The following COL22A1 variants were observed in gnomAD, a reference collection of about 807,000 sequenced individuals.
The protein encoded by COL22A1 is collagen alpha-1(XXII) chain.
In COL22A1, 221 loss-of-function variants were observed where a neutral mutation model predicts 248.9. That is an observed-to-expected ratio of 0.89 (90% CI 0.80 to 0.99). The LOEUF is 0.99. Ranked by LOEUF, COL22A1 falls within the 50% of genes least tolerant of loss-of-function variation. The pLI, the probability that COL22A1 is intolerant of heterozygous loss-of-function variation, is 0.00. For synonymous variants in COL22A1, 891 were observed against 793.4 expected (o/e 1.12, Z -2.07); for missense variants, 2,240 against 2,179.0 (o/e 1.03, Z -0.56).
chr8:138,660,681 C>T (rs952289724), intron 43 of COL22A1, among the ~76,000 whole-genome samples: 1 of 152,100 alleles, frequency 6.6e-6, no homozygotes, highest in African/African-American at 2.4e-5. Context: ...AGGAAGAATT[C>T]GACAATGACA....
intron 46 of COL22A1, among the ~76,000 whole-genome samples, chr8:138,648,439 G>A (rs1822396278): frequency 6.6e-6 from 1 of 152,324 alleles, no homozygotes; most frequent in South Asian, 2.1e-4. Flanking sequence ...CCACAAATAA[G>A]AGGCTTAACT....
intron 9 of COL22A1, among the ~76,000 whole-genome samples, chr8:138,810,615 C>T (rs1275800791): frequency 6.6e-6 from 1 of 152,190 alleles, no homozygotes; most frequent in African/African-American, 2.4e-5. Context: ...CAGCTTGGGC[C>T]TCCAGCAAGG....
At chr8:138,855,565 C>G (rs1424154673) in intron 3 of COL22A1, among the ~76,000 whole-genome samples, 1 of 152,190 alleles carries the variant, frequency 6.6e-6, no homozygotes, top group Non-Finnish European at 1.5e-5. Flanking sequence ...AGCCGGGAAA[C>G]TCCCTGTCCA....
chr8:138,744,553 C>A (rs1007050168), intron 22 of COL22A1, among the ~76,000 whole-genome samples: 1 of 152,114 alleles, frequency 6.6e-6, no homozygotes, highest in Non-Finnish European at 1.5e-5. Flanking sequence ...CAGAGCCAGG[C>A]AGATCTCATG....
intron 10 of COL22A1, 86 bp from the exon 11 acceptor site, chr8:138,803,020 C>A (rs1043581624): frequency 4.9e-6 from 5 of 1,010,120 alleles, no homozygotes; most frequent in Non-Finnish European, 6.3e-6. Flanking sequence ...GCCAACCTTG[C>A]TCCAATTCCC....
chr8:138,827,087 G>A (rs549174372), intron 5 of COL22A1: 32 of 348,916 alleles, frequency 9.2e-5, no homozygotes, highest in African/African-American at 6.2e-4. Flanking sequence ...AACGCTAAAT[G>A]GTCACGCCCC....
In COL22A1 at chr8:138,821,220, T is replaced by C; in HGVS notation, c.1161A>G (p.Thr387=). 1.2e-6 allele frequency: 2 copies of C among 1,614,228 alleles called. No homozygotes were observed. The highest frequency in any genetic ancestry group is 1.1e-5 in the South Asian group (1 of 91,084). The change falls in exon 7 of 65, where the codon ACA becomes ACG. Residue 387 remains threonine, a synonymous_variant. Coordinates refer to ENST00000303045, the MANE Select transcript of COL22A1 (RefSeq NM_152888.3). ...SLHIDCALVQ[T]LPIEERENID... ...TGTTCTCCCGTTCCTCGATGGGTAG[T>C]GTCTGCACCAGCGCACAGTCAATGT... is the stretch of plus-strand genomic sequence containing the variant.
chr8:138,727,241 C>T (rs988967979), intron 23 of COL22A1, among the ~76,000 whole-genome samples: 4 of 152,144 alleles, frequency 2.6e-5, no homozygotes, highest in African/African-American at 7.2e-5. Context: ...GCTCAGGTTT[C>T]TCTCTGGATA....
rs534944570 is a variant in COL22A1, at chr8:138,680,991, CG to C, written c.3013-1316del. Reference sequence around the variant, plus strand: ...TCAGGGATGTCTGCACTCTTCCCCCCGGGGGGGGTCTCAGCCTGCCTCTGCT... The same window carrying C: ...TCAGGGATGTCTGCACTCTTCCCCCCGGGGGGGTCTCAGCCTGCCTCTGCT... On this transcript the variant is annotated intron_variant, in intron 39 of 64. Transcript: ENST00000303045. 5.8e-3 allele frequency among the ~76,000 whole-genome samples: 879 copies of C among 152,004 alleles called. 21 individuals are homozygous for C. Among genetic ancestry groups the C allele is most frequent in the Admixed American group, 0.032 (485 of 15,268 alleles).
intron 26 of COL22A1, among the ~76,000 whole-genome samples, chr8:138,721,432 C>A (rs1829864650): frequency 6.6e-6 from 1 of 152,092 alleles, no homozygotes; most frequent in Non-Finnish European, 1.5e-5. Context: ...GTATTTGCTC[C>A]CCAGTTTTAT....
At chr8:138,755,428 C>A (rs1832917601) in intron 20 of COL22A1, 54 bp downstream of exon 20, 2 of 1,574,748 alleles carry the variant, frequency 1.3e-6, no homozygotes, top group Non-Finnish European at 1.7e-6. Context: ...TGTGGCTTTT[C>A]TGTTTCTGCT....
chr8:138,865,460 G>GT (rs1306987734), intron 3 of COL22A1, among the ~76,000 whole-genome samples: 2 of 150,908 alleles, frequency 1.3e-5, no homozygotes, highest in Non-Finnish European at 2.9e-5. Context: ...GTGTGTGAGT[G>GT]TATGTGTGTA....
At position 138,724,515 on chromosome 8, in the gene COL22A1, C is replaced by G. The variant is rs1181349909; in HGVS notation, c.2247+100G>C. ...CTTGCTGGCCAAGGAGTCCTCAGCT[C>G]TAGGAAAGTGGCTCTGGGCCAGCTG... On this transcript the variant is annotated intron_variant, in intron 25 of 64. Transcript: ENST00000303045. 12 of 1,187,554 alleles carry G rather than the reference C, an allele frequency of 1.0e-5. No homozygotes were observed. In the Admixed American group the frequency reaches 2.3e-4, roughly 23 times the overall value. The allele number at this position is 1,187,554 out of a possible 1,614,324, so 73.6% of individuals were successfully genotyped here.
intron 23 of COL22A1, among the ~76,000 whole-genome samples, chr8:138,737,224 T>TG (rs1418724625): frequency 1.3e-5 from 2 of 152,186 alleles, no homozygotes; most frequent in Non-Finnish European, 2.9e-5. Flanking sequence ...CACCTCGTCC[T>TG]GGGGTCCCCC....
intron 4 of COL22A1, among the ~76,000 whole-genome samples, chr8:138,843,464 G>A (rs1186884284): frequency 6.6e-6 from 1 of 152,170 alleles, no homozygotes; most frequent in Non-Finnish European, 1.5e-5. Flanking sequence ...TGGGAGAGAA[G>A]AAAACTTCTT....
At chr8:138,862,041 A>G (rs1051494016) in intron 3 of COL22A1, among the ~76,000 whole-genome samples, 1 of 139,646 alleles carries the variant, frequency 7.2e-6, no homozygotes, top group Non-Finnish European at 1.5e-5. Flanking sequence ...AAAAAAAAAA[A>G]AAAAAAGAAA....
At chr8:138,674,493 A>G (rs1371137327) in intron 41 of COL22A1, among the ~76,000 whole-genome samples, 1 of 152,236 alleles carries the variant, frequency 6.6e-6, no homozygotes, top group African/African-American at 2.4e-5. Flanking sequence ...GAAGCTTTTA[A>G]TAAGTCCAAG....
chr8:138,783,964 G>A (rs1051763772), intron 12 of COL22A1, among the ~76,000 whole-genome samples: 2 of 152,186 alleles, frequency 1.3e-5, no homozygotes, highest in African/African-American at 4.8e-5. Context: ...AGCCCATGCA[G>A]GGAGAGGGAC....
chr8:138,840,534 TACAC>T (rs34512818), intron 4 of COL22A1, among the ~76,000 whole-genome samples: 28 of 149,126 alleles, frequency 1.9e-4, no homozygotes, highest in Admixed American at 7.3e-4. Context: ...CATGTGTGAG[TACAC>T]ACACACACAC....
Sources: allele counts gnomAD v4.1 joint callset (sites outside exome capture counted in the v4.1 genomes callset), GRCh38; gene constraint gnomAD v4.1.1; transcripts MANE v1.5; gene names NCBI Gene and HGNC (gene_info 2026-07-23, HGNC 2026-07-21).